Variants in CDK17 observed in about 807,000 individuals in gnomAD.
CDK17 encodes cyclin dependent kinase 17, also known as cyclin-dependent kinase 17.
In CDK17, 24 loss-of-function variants were observed where a neutral mutation model predicts 77.6. That is an observed-to-expected ratio of 0.31 (90% CI 0.22 to 0.44). CDK17 has a LOEUF of 0.44. Ranked by LOEUF, CDK17 falls within the 20% of genes least tolerant of loss-of-function variation. The pLI, the probability that CDK17 is intolerant of heterozygous loss-of-function variation, is 1.00. For missense variants in CDK17, 429 were observed against 622.5 expected, an observed-to-expected ratio of 0.69 and a Z score of 3.31; for synonymous variants, 203 against 210.4, an observed-to-expected ratio of 0.96 and a Z score of 0.30.
At chr12:96,338,550 G>C (rs1477593850) in intron 1 of CDK17, among the ~76,000 whole-genome samples, 10 of 151,958 alleles carry the variant, frequency 6.6e-5, no homozygotes, top group Non-Finnish European at 7.4e-5. Context: ...CAGGCATCTA[G>C]TCACTAATTT....
chr12:96,303,490 A>T (rs1203025253), intron 5 of CDK17: 1 of 152,116 alleles, frequency 6.6e-6, no homozygotes, highest in East Asian at 1.9e-4. Flanking sequence ...AACCTCGGGT[A>T]TGATACTATC....
chr12:96,329,321 AAAGT>A (rs748476467), intron 2 of CDK17, among the ~76,000 whole-genome samples: 67 of 152,350 alleles, frequency 4.4e-4, no homozygotes, highest in Non-Finnish European at 7.2e-4. Context: ...TAACTTTTAA[AAAGT>A]AATAGAAATC....
At chr12:96,283,797 A>G (rs1952208790) in intron 13 of CDK17, 152 bp from the exon 14 acceptor site, 1 of 543,952 alleles carries the variant, frequency 1.8e-6, no homozygotes. Flanking sequence ...AATCTGTTTT[A>G]GTCTTAAAAG....
At chr12:96,292,726 C>A (rs1302028629) in intron 10 of CDK17, among the ~76,000 whole-genome samples, 2 of 151,918 alleles carry the variant, frequency 1.3e-5, no homozygotes, top group Non-Finnish European at 2.9e-5. Flanking sequence ...TCTCAGAATG[C>A]GGAATACAAA....
rs777271420 is a variant in CDK17 at position 96,286,029 on chromosome 12, AG to A, written c.1322+13del. ...CATGTGTTTTCCCCCCTTTCACATA[AG>A]AAAAAAAAATACCTGGGTGCGTGGT... On this transcript the variant is annotated intron_variant, in intron 13 of 16. Coordinates refer to ENST00000261211, the MANE Select transcript of CDK17 (RefSeq NM_002595.5). The A allele has an allele frequency of 2.2e-6, 3 of 1,373,076 alleles. No homozygotes were observed. The African/African-American group carries it at 4.3e-5, about 20-fold the overall frequency. The allele number at this position is 1,373,076 out of a possible 1,614,324, so 85.1% of individuals were successfully genotyped here.
chr12:96,365,411 C>T (rs1453306197), intron 1 of CDK17, among the ~76,000 whole-genome samples: 3 of 152,122 alleles, frequency 2.0e-5, no homozygotes, highest in African/African-American at 7.2e-5. Flanking sequence ...AAGACTCACC[C>T]AAGAGTCACT....
chr12:96,354,693 C>CA (rs1953367889), intron 1 of CDK17, among the ~76,000 whole-genome samples: 1 of 152,008 alleles, frequency 6.6e-6, no homozygotes, highest in East Asian at 1.9e-4. Context: ...CCAGCCTTGG[C>CA]AACATAGTGA....
At chr12:96,298,687 T>C (rs1379680380) in intron 7 of CDK17, among the ~76,000 whole-genome samples, 182 bp downstream of exon 7, 1 of 152,240 alleles carries the variant, frequency 6.6e-6, no homozygotes, top group East Asian at 1.9e-4. Context: ...TCAGATTTCA[T>C]TATAAGTTAT....
intron 1 of CDK17, among the ~76,000 whole-genome samples, chr12:96,349,462 A>AT (rs772857005): frequency 2.0e-5 from 3 of 152,094 alleles, no homozygotes; most frequent in Non-Finnish European, 4.4e-5. Flanking sequence ...TCAAAAAAAA[A>AT]GAAAATCAAC....
At chr12:96,368,868 C>T (rs1953642490) in intron 1 of CDK17, among the ~76,000 whole-genome samples, 1 of 140,474 alleles carries the variant, frequency 7.1e-6, no homozygotes, top group Admixed American at 7.8e-5. Context: ...AGTCCCAAAC[C>T]CTAGGTAACT....
chr12:96,396,521 T>C (rs1954172029), intron 1 of CDK17, among the ~76,000 whole-genome samples: 1 of 152,234 alleles, frequency 6.6e-6, no homozygotes, highest in Non-Finnish European at 1.5e-5. Flanking sequence ...ATAAACCTAT[T>C]GTTTATCTTC....
At chr12:96,289,416 A>G (rs1211211715) in intron 10 of CDK17, 129 bp from the exon 11 acceptor site, 5 of 943,082 alleles carry the variant, frequency 5.3e-6, no homozygotes, top group Non-Finnish European at 8.1e-6. Context: ...AGGCTTCACC[A>G]CTATTAACTT....
intron 10 of CDK17, among the ~76,000 whole-genome samples, chr12:96,293,822 T>C (rs1175386713): frequency 1.4e-4 from 21 of 152,232 alleles, no homozygotes; most frequent in Admixed American, 1.4e-3. Context: ...AACATCGATC[T>C]CATCAGAAAA....
chr12:96,377,881 GAC>G (rs1953809734), intron 1 of CDK17, among the ~76,000 whole-genome samples: 1 of 152,092 alleles, frequency 6.6e-6, no homozygotes, highest in African/African-American at 2.4e-5. Flanking sequence ...TTTTAGTAGA[GAC>G]AGGGTTTCAC....
chr12:96,398,227 T>C (rs1243109617), intron 1 of CDK17, among the ~76,000 whole-genome samples: 1 of 152,198 alleles, frequency 6.6e-6, no homozygotes, highest in Non-Finnish European at 1.5e-5. Context: ...TATTCCAATA[T>C]TCTCTCTCAT....
chr12:96,373,101 G>A (rs1383992748), intron 1 of CDK17, among the ~76,000 whole-genome samples: 1 of 152,128 alleles, frequency 6.6e-6, no homozygotes, highest in Non-Finnish European at 1.5e-5. Flanking sequence ...TGTTAATTAT[G>A]GTACACACAA....
At chr12:96,322,494 A>C (rs1382427361) in intron 3 of CDK17, among the ~76,000 whole-genome samples, 1 of 136,896 alleles carries the variant, frequency 7.3e-6, no homozygotes, top group Non-Finnish European at 1.6e-5. Flanking sequence ...GCCCCCTTAC[A>C]AAAAAAAAAA....
intron 1 of CDK17, among the ~76,000 whole-genome samples, chr12:96,360,883 C>T (rs1160195105): frequency 2.6e-5 from 4 of 152,182 alleles, no homozygotes. Flanking sequence ...AGAAACTACA[C>T]CTGTAATTTT....
intron 1 of CDK17, among the ~76,000 whole-genome samples, chr12:96,353,010 G>C (rs1592748239): frequency 6.6e-6 from 1 of 152,052 alleles, no homozygotes; most frequent in African/African-American, 2.4e-5. Context: ...TTAATAGTTT[G>C]GTCAAATCTG....
Sources: allele counts gnomAD v4.1 joint callset (sites outside exome capture counted in the v4.1 genomes callset), GRCh38; gene constraint gnomAD v4.1.1; transcripts MANE v1.5; gene names NCBI Gene and HGNC (gene_info 2026-07-23, HGNC 2026-07-21).